The following GALNT13 variants were observed in gnomAD, a reference collection of about 807,000 sequenced individuals.
GALNT13 encodes UDP-GalNAc:polypeptide N-acetylgalactosaminyltransferase 13.
In GALNT13, 28 loss-of-function variants were observed where a neutral mutation model predicts 64.2. The ratio of observed to expected loss-of-function variants is 0.44; its 90% CI spans 0.32 to 0.60. The LOEUF (loss-of-function observed/expected upper bound fraction) is 0.60, where lower values mean the gene tolerates loss of function less well. Among genes scored for constraint, GALNT13 ranks in the 20% least tolerant of loss-of-function variants. The pLI is 0.05. For missense variants in GALNT13, 577 were observed against 669.8 expected, an observed-to-expected ratio of 0.86 and a Z score of 1.53; for synonymous variants, 214 against 224.6, an observed-to-expected ratio of 0.95 and a Z score of 0.42.
chr2:153,869,058 G>C (rs1685808684), upstream of GALNT13, among the ~76,000 whole-genome samples: 1 of 152,078 alleles, frequency 6.6e-6, no homozygotes, highest in Non-Finnish European at 1.5e-5. Context: ...TTTACCAATG[G>C]TGTTATAAAA....
chr2:153,504,273 A>C, the GALNT13 span, among the ~76,000 whole-genome samples: 1 of 152,118 alleles, frequency 6.6e-6, no homozygotes, highest in African/African-American at 2.4e-5. Context: ...CCAGTTCTAG[A>C]AGCTTTTTGG....
intron 9 of GALNT13, among the ~76,000 whole-genome samples, chr2:154,377,068 C>G (rs958653917): frequency 6.6e-6 from 1 of 152,072 alleles, no homozygotes; most frequent in Non-Finnish European, 1.5e-5. Flanking sequence ...ATAATTCTAC[C>G]TGCAGGATTA....
chr2:153,942,062 C>T (rs1463513076), intron 2 of GALNT13, among the ~76,000 whole-genome samples: 2 of 152,268 alleles, frequency 1.3e-5, no homozygotes, highest in East Asian at 1.9e-4. Flanking sequence ...AATGACTTAT[C>T]TTAGACATTT....
At chr2:153,872,488 C>T (rs1409090781) in intron 1 of GALNT13, among the ~76,000 whole-genome samples, 185 bp downstream of exon 1, 2 of 152,000 alleles carry the variant, frequency 1.3e-5, no homozygotes, top group African/African-American at 2.4e-5. Flanking sequence ...GGCGACGCGG[C>T]CTCCCGGGAG....
chr2:153,944,375 C>A lies in GALNT13; in HGVS notation c.-104-19C>A, dbSNP rs1020625294. ...CTATGTGTACAATTAATGAAATTTT[C>A]TTCTTTGTTTTAATGCAGTGGAATG... is the stretch of plus-strand genomic sequence containing the variant. On this transcript the variant is annotated intron_variant, in intron 2 of 12. Transcript: ENST00000392825. 1.4e-5 allele frequency: 11 copies of A among 772,114 alleles called. No individual in the cohort carries two copies. The highest frequency in any genetic ancestry group is 2.2e-5 in the Non-Finnish European group (11 of 489,784). The allele number at this position is 772,114 out of a possible 1,614,324, so 47.8% of individuals were successfully genotyped here. A position where few individuals can be genotyped will look rare whatever the true frequency, so the allele number is the denominator to read the frequency against.
intron 3 of GALNT13, among the ~76,000 whole-genome samples, chr2:154,026,487 T>C (rs574422560): frequency 1.2e-4 from 18 of 152,298 alleles, no homozygotes; most frequent in African/African-American, 3.6e-4. Context: ...CTGGGTGGTA[T>C]AAACAACAGA....
At chr2:153,279,317 A>G in the GALNT13 span, among the ~76,000 whole-genome samples, 1 of 151,516 alleles carries the variant, frequency 6.6e-6, no homozygotes, top group African/African-American at 2.4e-5. Context: ...AGGTAGTTCC[A>G]CTCTCCTTTT....
chr2:154,372,997 A>G (rs1697786446), intron 9 of GALNT13, among the ~76,000 whole-genome samples: 1 of 152,090 alleles, frequency 6.6e-6, no homozygotes, highest in East Asian at 1.9e-4. Context: ...TTTCCTTTTT[A>G]AAGGACACTA....
At chr2:153,649,620 C>G in the GALNT13 span, among the ~76,000 whole-genome samples, 1 of 152,094 alleles carries the variant, frequency 6.6e-6, no homozygotes, top group African/African-American at 2.4e-5. Flanking sequence ...AAATTTCCCT[C>G]TACACACTGC....
chr2:153,744,427 A>C, the GALNT13 span, among the ~76,000 whole-genome samples: 2 of 152,292 alleles, frequency 1.3e-5, no homozygotes, highest in African/African-American at 2.4e-5. Flanking sequence ...TCTGATTATC[A>C]GTGATGTTCA....
the GALNT13 span, among the ~76,000 whole-genome samples, chr2:153,131,006 C>A: frequency 1.3e-5 from 2 of 152,108 alleles, no homozygotes; most frequent in African/African-American, 4.8e-5. Context: ...ATGCCTGTAA[C>A]CTTACATACA....
the GALNT13 span, among the ~76,000 whole-genome samples, chr2:153,555,293 C>T: frequency 1.5e-4 from 16 of 107,418 alleles, 3 homozygotes; most frequent in African/African-American, 6.1e-4. Context: ...CTCCCGGGTT[C>T]ACGCCATTCT....
At chr2:153,526,336 C>T in the GALNT13 span, among the ~76,000 whole-genome samples, 1 of 152,226 alleles carries the variant, frequency 6.6e-6, no homozygotes, top group Non-Finnish European at 1.5e-5. Context: ...CACCCAGCTT[C>T]AGGTGGCTCA....
At chr2:153,608,917 CTT>C in the GALNT13 span, among the ~76,000 whole-genome samples, 6 of 130,590 alleles carry the variant, frequency 4.6e-5, no homozygotes, top group Admixed American at 7.9e-5. Flanking sequence ...TTTTTTACTT[CTT>C]TTTTTTTTTT....
chr2:153,186,950 G>A, the GALNT13 span, among the ~76,000 whole-genome samples: 1 of 152,268 alleles, frequency 6.6e-6, no homozygotes, highest in South Asian at 2.1e-4. Context: ...AGGCAAGCCT[G>A]GTGGTGCTGA....
chr2:154,007,904 T>C (rs1251877818), intron 3 of GALNT13, among the ~76,000 whole-genome samples: 1 of 151,970 alleles, frequency 6.6e-6, no homozygotes, highest in Non-Finnish European at 1.5e-5. Flanking sequence ...GATGACACAT[T>C]AGGAAATCTA....
At chr2:154,164,435 A>G (rs971890822) in intron 4 of GALNT13, among the ~76,000 whole-genome samples, 2 of 152,286 alleles carry the variant, frequency 1.3e-5, no homozygotes, top group East Asian at 1.9e-4. Flanking sequence ...GATTTCAACA[A>G]CTAGATATAT....
chr2:153,095,730 C>G, the GALNT13 span, among the ~76,000 whole-genome samples: 4 of 152,076 alleles, frequency 2.6e-5, no homozygotes, highest in Non-Finnish European at 4.4e-5. Context: ...AGTTCATGTG[C>G]TTTGTAGGGA....
At chr2:153,158,530 T>C in the GALNT13 span, among the ~76,000 whole-genome samples, 1 of 152,122 alleles carries the variant, frequency 6.6e-6, no homozygotes, top group Non-Finnish European at 1.5e-5. Flanking sequence ...TCTGTGTCAA[T>C]AACATCTTAC....
Sources: allele counts gnomAD v4.1 joint callset (sites outside exome capture counted in the v4.1 genomes callset), GRCh38; gene constraint gnomAD v4.1.1; transcripts MANE v1.5; gene names NCBI Gene and HGNC (gene_info 2026-07-23, HGNC 2026-07-21).